SUCLG2: variants seen among roughly 807,000 people sequenced by gnomAD.
SUCLG2 encodes succinate-CoA ligase GDP-forming subunit beta, also known as succinate--CoA ligase [GDP-forming] subunit beta, mitochondrial.
A neutral mutation model predicts 47.9 loss-of-function variants in SUCLG2; 42 were observed. The observed-to-expected ratio is 0.88, with a 90% CI of 0.69 to 1.14. The LOEUF (loss-of-function observed/expected upper bound fraction) is 1.14. Among genes scored for constraint, SUCLG2 ranks in the 50% most tolerant of loss-of-function variants. The probability of loss-of-function intolerance (pLI) is 0.00; values close to 1 mark genes in which losing one functional copy is unlikely to be tolerated. For synonymous variants in SUCLG2, 195 were observed against 197.3 expected, an observed-to-expected ratio of 0.99 and a Z score of 0.10; for missense variants, 571 against 525.9, an observed-to-expected ratio of 1.09 and a Z score of -0.84.
At chr3:67,399,820 A>T (rs1424424777) in intron 10 of SUCLG2, among the ~76,000 whole-genome samples, 1 of 152,236 alleles carries the variant, frequency 6.6e-6, no homozygotes, top group Non-Finnish European at 1.5e-5. Context: ...AATTTTCAAT[A>T]AACTATTACC....
chr3:67,405,079 C>T (rs537215655), intron 9 of SUCLG2, among the ~76,000 whole-genome samples: 7 of 150,428 alleles, frequency 4.7e-5, no homozygotes, highest in East Asian at 4.0e-4. Flanking sequence ...TTCTAATTCT[C>T]GGGTGAGAAT....
chr3:67,541,013 C>A (rs1166526861), intron 2 of SUCLG2, among the ~76,000 whole-genome samples: 1 of 152,172 alleles, frequency 6.6e-6, no homozygotes, highest in East Asian at 1.9e-4. Context: ...GTATAAACAT[C>A]AACAACAGGG....
At chr3:67,540,922 G>T (rs554721580) in intron 2 of SUCLG2, among the ~76,000 whole-genome samples, 19 of 152,164 alleles carry the variant, frequency 1.2e-4, no homozygotes, top group Non-Finnish European at 2.6e-4. Flanking sequence ...GTAGTGGACC[G>T]CCAGCAAATT....
intron 10 of SUCLG2, among the ~76,000 whole-genome samples, chr3:67,380,311 G>A (rs1462682136): frequency 1.3e-5 from 2 of 152,008 alleles, no homozygotes; most frequent in Admixed American, 1.3e-4. Context: ...CCAACCTGTA[G>A]CAGCTTCAAG....
chr3:67,397,490 C>T (rs1299501323), intron 10 of SUCLG2, among the ~76,000 whole-genome samples: 1 of 152,144 alleles, frequency 6.6e-6, no homozygotes, highest in Non-Finnish European at 1.5e-5. Flanking sequence ...TCAAGGAGAA[C>T]TACAAACCAC....
chr3:67,504,780 G>A (rs1705593322), intron 7 of SUCLG2, among the ~76,000 whole-genome samples: 1 of 152,190 alleles, frequency 6.6e-6, no homozygotes, highest in African/African-American at 2.4e-5. Flanking sequence ...AGAGCTGGCT[G>A]AAGGTGAGAA....
rs184150484 is a variant in SUCLG2, at chr3:67,653,980, G to A, written c.84+523C>T. Among the ~76,000 whole-genome samples the A allele has an allele frequency of 9.4e-4, 143 of 152,278 alleles. 1 individual carries two copies. Among genetic ancestry groups the A allele is most frequent in the African/African-American group, 3.2e-3 (135 of 41,548 alleles). On this transcript the variant is annotated intron_variant, in intron 1 of 10. Coordinates refer to ENST00000307227, the MANE Select transcript of SUCLG2 (RefSeq NM_003848.4). Reference sequence around the variant, plus strand: ...ATTTTTCTCCTTGACCCACGGATTTGACCAACTCAGGCACATTAAAAGTCT... The same window carrying A: ...ATTTTTCTCCTTGACCCACGGATTTAACCAACTCAGGCACATTAAAAGTCT...
At chr3:67,434,678 G>A (rs1344132534) in intron 9 of SUCLG2, among the ~76,000 whole-genome samples, 3 of 152,204 alleles carry the variant, frequency 2.0e-5, no homozygotes, top group Non-Finnish European at 4.4e-5. Flanking sequence ...GTTGGGAGAA[G>A]GGTAGATGGC....
chr3:67,618,547 C>T (rs566221343), intron 1 of SUCLG2, among the ~76,000 whole-genome samples: 1 of 152,158 alleles, frequency 6.6e-6, no homozygotes, highest in Non-Finnish European at 1.5e-5. Context: ...TAAGGCCACT[C>T]AGCTGATTAA....
intron 9 of SUCLG2, among the ~76,000 whole-genome samples, chr3:67,414,120 T>C (rs1030133364): frequency 1.3e-5 from 2 of 152,234 alleles, no homozygotes; most frequent in Non-Finnish European, 2.9e-5. Context: ...CTGGATGGTC[T>C]TCTGTGTTGC....
At chr3:67,516,767 A>T (rs1031041639) in intron 6 of SUCLG2, among the ~76,000 whole-genome samples, 5 of 152,220 alleles carry the variant, frequency 3.3e-5, no homozygotes, top group Non-Finnish European at 7.3e-5. Flanking sequence ...AGAAATATAC[A>T]GATGTCCAAA....
At chr3:67,568,516 A>G (rs994000353) in intron 2 of SUCLG2, among the ~76,000 whole-genome samples, 1 of 152,248 alleles carries the variant, frequency 6.6e-6, no homozygotes, top group Middle Eastern at 3.2e-3. Flanking sequence ...AAAAGAAAGC[A>G]TAAGTATTTT....
intron 1 of SUCLG2, among the ~76,000 whole-genome samples, chr3:67,625,784 G>T (rs960144845): frequency 6.6e-6 from 1 of 152,056 alleles, no homozygotes; most frequent in African/African-American, 2.4e-5. Context: ...ACACTACACG[G>T]TAAGATCTAG....
intron 9 of SUCLG2, among the ~76,000 whole-genome samples, chr3:67,443,570 G>C (rs529475501): frequency 1.6e-5 from 1 of 64,092 alleles, no homozygotes. Context: ...AGTGAGGAGC[G>C]TCTCCGCCCG....
chr3:67,406,775 A>C (rs1268428404), intron 9 of SUCLG2, among the ~76,000 whole-genome samples: 1 of 152,206 alleles, frequency 6.6e-6, no homozygotes, highest in African/African-American at 2.4e-5. Context: ...AGACACCTAC[A>C]CAGACTACAG....
At chr3:67,436,045 A>C (rs774950000) in intron 9 of SUCLG2, among the ~76,000 whole-genome samples, 1 of 152,226 alleles carries the variant, frequency 6.6e-6, no homozygotes, top group Non-Finnish European at 1.5e-5. Context: ...ATTTGGTTTG[A>C]GCAATTCTAA....
At chr3:67,566,384 T>C (rs1413591317) in intron 2 of SUCLG2, among the ~76,000 whole-genome samples, 2 of 152,170 alleles carry the variant, frequency 1.3e-5, no homozygotes, top group Non-Finnish European at 2.9e-5. Flanking sequence ...AAAAATCTCA[T>C]ATACCATGTT....
intron 2 of SUCLG2, among the ~76,000 whole-genome samples, chr3:67,563,978 AG>A (rs1707385175): frequency 6.6e-6 from 1 of 150,786 alleles, no homozygotes. Flanking sequence ...AAAAAAAAAA[AG>A]AAAAAAGAAA....
At chr3:67,521,535 G>GTATTTTTTAGTGGAGA (rs1559556611) in intron 4 of SUCLG2, among the ~76,000 whole-genome samples, 4 of 151,998 alleles carry the variant, frequency 2.6e-5, no homozygotes, top group African/African-American at 7.3e-5. Context: ...TGCAAGCATT[G>GTATTTTTTAGTGGAGA]CAGTAATGGA....
Sources: gnomAD v4.1 joint callset for allele counts (sites outside exome capture counted in the v4.1 genomes callset) on GRCh38, gnomAD v4.1.1 for gene constraint, MANE v1.5 for transcripts, NCBI Gene and HGNC (gene_info 2026-07-23, HGNC 2026-07-21) for gene names.